Variants in SLC38A10 observed in about 807,000 individuals in gnomAD.
The protein encoded by SLC38A10 is Sodium-coupled neutral amino acid transporter 10.
A neutral mutation model predicts 81.0 loss-of-function variants in SLC38A10; 53 were observed. That is an observed-to-expected ratio of 0.65 (90% CI 0.53 to 0.82). The LOEUF (loss-of-function observed/expected upper bound fraction) is 0.82. Ranked by LOEUF, SLC38A10 falls within the 40% of genes least tolerant of loss-of-function variation. The probability of loss-of-function intolerance (pLI) is 0.00; values close to 1 mark genes in which losing one functional copy is unlikely to be tolerated. For missense variants in SLC38A10, 1,471 were observed against 1,545.0 expected, an observed-to-expected ratio of 0.95 and a Z score of 0.80; for synonymous variants, 665 against 655.3, an observed-to-expected ratio of 1.01 and a Z score of -0.23.
intron 6 of SLC38A10, chr17:81,279,843 A>G (rs2063194189): frequency 5.4e-6 from 1 of 183,570 alleles, no homozygotes; most frequent in African/African-American, 2.4e-5. Flanking sequence ...TCTGGTGGAG[A>G]TGGAGCTGCC....
chr17:81,280,470 G>A (rs1003324583), intron 6 of SLC38A10, 139 bp downstream of exon 6: 8 of 1,297,118 alleles, frequency 6.2e-6, no homozygotes, highest in African/African-American at 4.5e-5. Context: ...GGGCGGGAAA[G>A]GTCATCACTG....
At position 81,252,639 on chromosome 17, in the gene SLC38A10, C is replaced by A. The variant is rs867529619; in HGVS notation, c.1501G>T (p.Val501Phe). The A allele has an allele frequency of 3.7e-6, 6 of 1,611,618 alleles. No individual in the cohort carries two copies. The Middle Eastern group carries it at 8.3e-4, about 222-fold the overall frequency. ...TCTACCACCACCTTGTCGTGAGGAA[C>A]AGGAGGCTCGTGGCGGTGGGCCTCG... ...VGEAHRHEPP[V>F]PHDKVVVDEG... Residue 501 changes from valine to phenylalanine, a missense_variant, in exon 13 of 16, where the codon GTT becomes TTT. Val to Phe is a conservative substitution (Grantham distance 50). This residue lies in a region of SLC38A10 where 720 missense variants were observed against 827.7 expected (regional missense o/e 0.87). Transcript: ENST00000374759.
At position 81,245,946 on chromosome 17, in the gene SLC38A10, C is replaced by T. The variant is rs376502954; in HGVS notation, c.2970G>A (p.Gly990=). The change falls in exon 16 of 16, where the codon GGG becomes GGA. Residue 990 remains glycine (G), a synonymous_variant. Coordinates refer to ENST00000374759, the MANE Select transcript of SLC38A10 (RefSeq NM_001037984.3). ...CGTGGGACACAGGCACATGGTCCCCCCCGCGGGCCTTTCTCATCTCCAGGT... is the reference window on the plus strand; with the variant it reads ...CGTGGGACACAGGCACATGGTCCCCTCCGCGGGCCTTTCTCATCTCCAGGT... The part of the protein sequence containing the change: ...GGHLEMRKAR[G]GDHVPVSHEQ... The T allele has an allele frequency of 6.2e-7, 1 of 1,606,878 alleles. No individual in the cohort carries two copies. Among genetic ancestry groups the T allele is most frequent in the Non-Finnish European group, 8.5e-7 (1 of 1,176,092 alleles).
chr17:81,245,344 AAG>A lies in SLC38A10; in HGVS notation c.*210_*211del. On this transcript the variant is annotated 3_prime_UTR_variant, in exon 16 of 16. Transcript: ENST00000374759. ...TCTAGAGGTCAGAGGACCTCAGACT[AAG>A]AGCTGCAACAGAACGACAGCAAGAA... is the stretch of plus-strand genomic sequence containing the variant. 5.0e-6 allele frequency: 3 copies of A among 595,824 alleles called. No individual in the cohort carries two copies. Among genetic ancestry groups the A allele is most frequent in the Non-Finnish European group, 8.3e-6 (3 of 359,598 alleles). The allele number at this position is 595,824 out of a possible 1,614,324, so 36.9% of individuals were successfully genotyped here. A position where few individuals can be genotyped will look rare whatever the true frequency, so the allele number is the denominator to read the frequency against.
rs1017383204 is a variant in SLC38A10 at position 81,295,062 on chromosome 17, G to C, written c.-141C>G. 4 of 1,307,470 alleles carry C rather than the reference G, an allele frequency of 3.1e-6. No individual in the cohort carries two copies. Among genetic ancestry groups the C allele is most frequent in the African/African-American group, 3.1e-5 (2 of 63,908 alleles). The allele number at this position is 1,307,470 out of a possible 1,614,324, so 81.0% of individuals were successfully genotyped here. On this transcript the variant is annotated 5_prime_UTR_variant, in exon 1 of 16. Transcript: ENST00000374759. ...GGGAGGGGATGGGCAGCCTGAACAC[G>C]GGAGCCTGAGCAGGCGCGGGCGCGG...
rs774049428 is a variant in SLC38A10 at position 81,260,286 on chromosome 17, G to A, written c.1240C>T (p.Leu414Phe). 7.5e-6 allele frequency: 12 copies of A among 1,606,314 alleles called. No individual in the cohort carries two copies. The highest frequency in any genetic ancestry group is 1.3e-5 in the African/African-American group (1 of 74,880). ...TTCATCAAACCCTCGGCCTCTCCAA[G>A]CCGGCCGCCAGGGGCTTCCTCTGCC... ...DLAEEAPGGR[L>F]GEAEGLMKVE... Residue 414 changes from leucine to phenylalanine, a missense_variant, in exon 11 of 16, where the codon CTT becomes TTT. By Grantham distance (22) the Leu-to-Phe change is conservative (BLOSUM62 0). This residue lies in a region of SLC38A10 where 720 missense variants were observed against 827.7 expected (regional missense o/e 0.87). Transcript: ENST00000374759.
rs984491425 is a variant in SLC38A10 at position 81,260,398 on chromosome 17, A to G, written c.1132-4T>C. ...CCAGGCCGACCCACAGCACCACCTG[A>G]GGAGACAAAGACCCCAGGGGCGGGA... On this transcript the variant is annotated splice_region_variant and splice_polypyrimidine_tract_variant and intron_variant, in intron 10 of 15. Transcript: ENST00000374759. 1 of 1,609,896 alleles carries G rather than the reference A, an allele frequency of 6.2e-7. No individual in the cohort carries two copies.
Position 81,251,562 on chromosome 17 carries a change from G to A in SLC38A10, c.1996C>T (p.Pro666Ser). Residue 666 changes from proline (P) to serine (S), a missense_variant, in exon 14 of 16, where the codon CCG becomes TCG. Pro to Ser is a moderately conservative substitution (Grantham distance 74, BLOSUM62 -1). This residue lies in a region of SLC38A10 where 751 missense variants were observed against 717.4 expected (regional missense o/e 1.05). Coordinates refer to ENST00000374759, the MANE Select transcript of SLC38A10 (RefSeq NM_001037984.3). The stretch of plus-strand genomic sequence containing the variant: ...TCCCTCTGCTCGCGAGGCTCGGGCG[G>A]CAGCCCAGGCCCTGGAGCCGGCTTC... Reference protein sequence around the residue: ...AEKPAPGPGLPPEPREQRDVE... With the variant: ...AEKPAPGPGLSPEPREQRDVE... 6.6e-7 allele frequency: 1 copy of A among 1,505,860 alleles called. No individual in the cohort carries two copies. Among genetic ancestry groups the A allele is most frequent in the Non-Finnish European group, 8.8e-7 (1 of 1,132,844 alleles). 93.3% of individuals were successfully genotyped at this position (1,505,860 alleles called of 1,614,324 possible). A position where few individuals can be genotyped will look rare whatever the true frequency, so the allele number is the denominator to read the frequency against.
rs1300543727 is a variant in SLC38A10, at chr17:81,276,479, C to T, written c.730-328G>A. On this transcript the variant is annotated intron_variant, in intron 7 of 15. Transcript: ENST00000374759. The surrounding 1 kb of genome is among the most constrained non-coding windows in gnomAD (Gnocchi z 4.7). ...TGGCCTCGGCGTACCTCTGCCTCCC[C>T]GGTCCTGGTTCAAGCAATTCTCCTG... Among the ~76,000 whole-genome samples, 1 of 151,674 alleles carries T rather than the reference C, an allele frequency of 6.6e-6. No homozygotes were observed. Among genetic ancestry groups the T allele is most frequent in the East Asian group, 1.9e-4 (1 of 5,160 alleles).
intron 11 of SLC38A10, among the ~76,000 whole-genome samples, chr17:81,257,522 G>C (rs2062983922): frequency 6.6e-6 from 1 of 152,200 alleles, no homozygotes. Context: ...AGATCACCCC[G>C]CCATCCGTGC....
intron 15 of SLC38A10, 34 bp downstream of exon 15, chr17:81,246,851 G>T: frequency 6.4e-7 from 1 of 1,556,338 alleles, no homozygotes. Context: ...CCCCTGCCTG[G>T]CCCCACCCCA....
At position 81,245,601 on chromosome 17, in the gene SLC38A10, GTGGACCACCTGCAGA is replaced by G. The variant is rs748089369; in HGVS notation, c.3300_3314del (p.Leu1101_His1105del). 1.9e-6 allele frequency: 3 copies of G among 1,611,796 alleles called. No homozygotes were observed. Among genetic ancestry groups the G allele is most frequent in the Admixed American group, 1.7e-5 (1 of 59,932 alleles). ...CAGGCGCCTGTCTAAGCTGCCGGCTGTGGACCACCTGCAGAGCTCCCCCCGCAGCCTGGCGGAGCT... is the reference window on the plus strand; with the variant it reads ...CAGGCGCCTGTCTAAGCTGCCGGCTGGCTCCCCCCGCAGCCTGGCGGAGCT... On this transcript the variant is annotated inframe_deletion, in exon 16 of 16. Coordinates refer to ENST00000374759, the MANE Select transcript of SLC38A10 (RefSeq NM_001037984.3).
intron 9 of SLC38A10, among the ~76,000 whole-genome samples, chr17:81,271,658 T>A (rs1314351797): frequency 6.6e-6 from 1 of 152,046 alleles, no homozygotes; most frequent in Non-Finnish European, 1.5e-5. Context: ...TCTAGAATAG[T>A]TGGTTCTACA....
intron 10 of SLC38A10, 64 bp from the exon 11 acceptor site, chr17:81,260,458 A>C (rs2063012186): frequency 6.5e-7 from 1 of 1,528,524 alleles, no homozygotes; most frequent in East Asian, 2.4e-5. Flanking sequence ...CCAGGGTATA[A>C]AACTGGCCTG....
At position 81,283,937 on chromosome 17, in the gene SLC38A10, G is replaced by C. The variant is rs985972939; in HGVS notation, c.264-435C>G. On this transcript the variant is annotated intron_variant, in intron 3 of 15. Transcript: ENST00000374759. This position sits in a 1 kb window ranked among gnomAD's most constrained non-coding sequence, Gnocchi z 4.7. ...CAGATGTGATTTCAAACGCGCCCCA[G>C]TTCACAGGGCGCGGGCAGGTTCTGT... Among the ~76,000 whole-genome samples the C allele has an allele frequency of 2.4e-4, 37 of 151,124 alleles. No homozygotes were observed. The highest frequency in any genetic ancestry group is 9.0e-4 in the African/African-American group (37 of 41,182).
At chr17:81,293,452 G>C (rs1457713529) in intron 1 of SLC38A10, among the ~76,000 whole-genome samples, 1 of 152,094 alleles carries the variant, frequency 6.6e-6, no homozygotes. Context: ...GGGAGGGTTT[G>C]AAAATTCCTT....
At chr17:81,251,170 A>G (rs751942651) in intron 14 of SLC38A10, 1 of 1,525,170 alleles carries the variant, frequency 6.6e-7, no homozygotes, top group Admixed American at 2.1e-5. Context: ...CCTGCTTTAA[A>G]GACGAAATGG....
chr17:81,278,736 G>A (rs575248721), intron 6 of SLC38A10, among the ~76,000 whole-genome samples: 60 of 152,320 alleles, frequency 3.9e-4, no homozygotes, highest in African/African-American at 1.4e-3. Flanking sequence ...CCACACCAGG[G>A]AGTCTTGGCT....
intron 10 of SLC38A10, among the ~76,000 whole-genome samples, chr17:81,266,390 C>T (rs559574532): frequency 6.6e-6 from 1 of 152,184 alleles, no homozygotes; most frequent in East Asian, 1.9e-4. Flanking sequence ...GAGGCCGAGG[C>T]GGGCGGATCA....
Sources: gnomAD v4.1 joint callset for allele counts (sites outside exome capture counted in the v4.1 genomes callset) on GRCh38, gnomAD v4.1.1 for gene constraint, gnomAD v4.1.1 regional missense constraint, Gnocchi (gnomAD v3.1) non-coding constraint, MANE v1.5 for transcripts, NCBI Gene and HGNC (gene_info 2026-07-23, HGNC 2026-07-21) for gene names.